LRP5: variants seen among roughly 807,000 people sequenced by gnomAD.
The protein encoded by LRP5 is low-density lipoprotein receptor-related protein 5.
A neutral mutation model predicts 154.1 loss-of-function variants in LRP5; 62 were observed. The observed-to-expected ratio is 0.40, with a 90% confidence interval of 0.33 to 0.50. The LOEUF is 0.50. Among genes scored for constraint, LRP5 ranks in the 20% least tolerant of loss-of-function variants. The pLI is 0.55. For missense variants in LRP5, 1,915 were observed against 2,336.7 expected, an observed-to-expected ratio of 0.82 and a Z score of 3.72; for synonymous variants, 966 against 1,011.5, an observed-to-expected ratio of 0.96 and a Z score of 0.85.
chr11:68,445,880 C>G (rs1245252354), intron 21 of LRP5, among the ~76,000 whole-genome samples: 1 of 152,224 alleles, frequency 6.6e-6, no homozygotes, highest in African/African-American at 2.4e-5. Flanking sequence ...GGACTGTGGC[C>G]CCTCCCTCAG....
chr11:68,377,209 C>CGAGGGATGGGA (rs1406922846), intron 5 of LRP5, among the ~76,000 whole-genome samples: 1 of 152,058 alleles, frequency 6.6e-6, no homozygotes, highest in Non-Finnish European at 1.5e-5. Context: ...TGGCTGGCAC[C>CGAGGGATGGGA]GAGGGATGGG....
chr11:68,415,128 C>T (rs572506303), intron 12 of LRP5, among the ~76,000 whole-genome samples: 2 of 152,342 alleles, frequency 1.3e-5, no homozygotes, highest in Admixed American at 6.5e-5. Flanking sequence ...CCAGGAGACT[C>T]TGTTAGCTGT....
At chr11:68,441,634 C>T (rs2098678276) in intron 21 of LRP5, among the ~76,000 whole-genome samples, 1 of 152,222 alleles carries the variant, frequency 6.6e-6, no homozygotes, top group Non-Finnish European at 1.5e-5. Flanking sequence ...CCCCCGAGCA[C>T]ACAGCAGGCA....
chr11:68,347,968 G>C lies in LRP5; in HGVS notation c.213G>C (p.Gln71His), dbSNP rs1242896791. ...AGGATGCGGCCGCAGTGGACTTCCA[G>C]TTTTCCAAGGGAGCCGTGTACTGGA... ...GLEDAAAVDF[Q>H]FSKGAVYWTD... The change falls in exon 2 of 23, where the codon CAG becomes CAC. Residue 71 changes from glutamine to histidine, a missense_variant. Gln to His is a conservative substitution (Grantham distance 24). Coordinates refer to ENST00000294304, the MANE Select transcript of LRP5 (RefSeq NM_002335.4). 5.6e-6 allele frequency: 9 copies of C among 1,614,182 alleles called. No individual in the cohort carries two copies. The highest frequency in any genetic ancestry group is 1.7e-4 in the Middle Eastern group (1 of 6,060).
chr11:68,352,789 T>A (rs1051873939), intron 2 of LRP5, among the ~76,000 whole-genome samples: 4 of 143,964 alleles, frequency 2.8e-5, no homozygotes, highest in Non-Finnish European at 6.0e-5. Context: ...GGTTGGGAGG[T>A]GATCAGTTGG....
At chr11:68,408,970 GC>G in intron 9 of LRP5, among the ~76,000 whole-genome samples, 1 of 147,502 alleles carries the variant, frequency 6.8e-6, no homozygotes, top group South Asian at 2.1e-4. Flanking sequence ...GATTGCTTGA[GC>G]CCCAGGAGGT....
At chr11:68,427,015 G>A (rs1488752533) in intron 16 of LRP5, among the ~76,000 whole-genome samples, 1 of 152,010 alleles carries the variant, frequency 6.6e-6, no homozygotes, top group South Asian at 2.1e-4. Context: ...GGCTCCCTGC[G>A]TCAGTCCCTC....
chr11:68,322,629 C>T (rs566501297), intron 1 of LRP5, among the ~76,000 whole-genome samples: 5 of 152,394 alleles, frequency 3.3e-5, no homozygotes, highest in African/African-American at 9.6e-5. Context: ...GGGCTGTCTT[C>T]GTCTGCGCCC....
intron 1 of LRP5, among the ~76,000 whole-genome samples, chr11:68,341,156 C>T (rs1278046796): frequency 3.4e-5 from 5 of 147,556 alleles, no homozygotes; most frequent in Admixed American, 1.4e-4. Flanking sequence ...GGACAGACTC[C>T]TGCAGGGGTG....
intron 1 of LRP5, among the ~76,000 whole-genome samples, chr11:68,326,715 T>C (rs2098599908): frequency 6.6e-6 from 1 of 152,226 alleles, no homozygotes; most frequent in Non-Finnish European, 1.5e-5. Context: ...CTGCGAAGCC[T>C]TGAGCTCCTG....
At position 68,447,464 on chromosome 11, in the gene LRP5, C is replaced by A. The variant is rs893517456; in HGVS notation, c.4586+931C>A. ...GGAACTGCAGCCTCCATTTCCACCC[C>A]ACTCCGGGTCGGGCCACCTCCCTGA... On this transcript the variant is annotated intron_variant, in intron 22 of 22. Coordinates refer to ENST00000294304, the MANE Select transcript of LRP5 (RefSeq NM_002335.4). This position sits in a 1 kb window ranked among gnomAD's most constrained non-coding sequence, Gnocchi z 4.3. Among the ~76,000 whole-genome samples the A allele has an allele frequency of 6.6e-6, 1 of 152,122 alleles. No homozygotes were observed. The highest frequency in any genetic ancestry group is 6.5e-5 in the Admixed American group (1 of 15,288).
At chr11:68,431,985 G>C (rs2098672189) in intron 17 of LRP5, among the ~76,000 whole-genome samples, 1 of 152,192 alleles carries the variant, frequency 6.6e-6, no homozygotes, top group Non-Finnish European at 1.5e-5. Context: ...TCTTCTCCAG[G>C]GAGATCACAG....
At chr11:68,427,877 C>T (rs1307155144) in intron 16 of LRP5, among the ~76,000 whole-genome samples, 1 of 152,052 alleles carries the variant, frequency 6.6e-6, no homozygotes, top group African/African-American at 2.4e-5. Context: ...TCTCATTGTC[C>T]GGGTGTTGGA....
In LRP5 at chr11:68,340,703, A is replaced by T. The variant is rs139429124; in HGVS notation, c.92-7144A>T. On this transcript the variant is annotated intron_variant, in intron 1 of 22. Coordinates refer to ENST00000294304, the MANE Select transcript of LRP5 (RefSeq NM_002335.4). ...CTGACCTGGCCCTTTTGCCTTTGTG[A>T]TGTACGGTCCTGAAAAAAATATTTG... Among the ~76,000 whole-genome samples the T allele has an allele frequency of 2.1e-3, 313 of 152,264 alleles. 2 individuals carry two copies. The highest frequency in any genetic ancestry group is 0.016 in the East Asian group (82 of 5,188).
In LRP5 at chr11:68,440,705, G is replaced by A. The variant is rs565712661; in HGVS notation, c.4488+789G>A. ...CCTCGCCAGTGAGCCCCACCTTGCT[G>A]GGGCTGGTTCCTCCTGCCCTTCTGG... On this transcript the variant is annotated intron_variant, in intron 21 of 22. Coordinates refer to ENST00000294304, the MANE Select transcript of LRP5 (RefSeq NM_002335.4). 5.1e-4 allele frequency among the ~76,000 whole-genome samples: 77 copies of A among 152,294 alleles called. 1 individual carries two copies. In the South Asian group the frequency reaches 0.016, roughly 32 times the overall value.
intron 7 of LRP5, among the ~76,000 whole-genome samples, chr11:68,391,739 G>A (rs1312915649): frequency 6.6e-6 from 1 of 152,236 alleles, no homozygotes; most frequent in African/African-American, 2.4e-5. Flanking sequence ...GGGCCGCTGA[G>A]GATGATTTGC....
intron 7 of LRP5, among the ~76,000 whole-genome samples, chr11:68,393,878 G>T (rs914639233): frequency 6.6e-6 from 1 of 152,178 alleles, no homozygotes; most frequent in South Asian, 2.1e-4. Context: ...GCATTTCCCT[G>T]ATAACTAGGA....
intron 21 of LRP5, among the ~76,000 whole-genome samples, chr11:68,443,565 ATATATATATATATATATATATT>A (rs1353925319): frequency 5.6e-5 from 2 of 35,654 alleles, no homozygotes; most frequent in South Asian, 8.7e-4. Context: ...ATATATATAT[ATATATATATATATATATATATT>A]TTTTTTTTTT....
In LRP5 at chr11:68,448,915, G is replaced by A. The variant is rs1465352742; in HGVS notation, c.4693G>A (p.Asp1565Asn). Residue 1565 changes from aspartate to asparagine, a missense_variant, in exon 23 of 23, where the codon GAT becomes AAT. Coordinates refer to ENST00000294304, the MANE Select transcript of LRP5 (RefSeq NM_002335.4). ...SRWKASKYYL[D>N]LNSDSDPYPP... is the part of the protein sequence containing the mutation. Reference sequence around the variant, plus strand: ...CTGGAAGGCCAGCAAGTACTACCTGGATTTGAACTCGGACTCAGACCCCTA... The same window carrying A: ...CTGGAAGGCCAGCAAGTACTACCTGAATTTGAACTCGGACTCAGACCCCTA... 1 of 1,613,454 alleles carries A rather than the reference G, an allele frequency of 6.2e-7. No individual in the cohort carries two copies. Among genetic ancestry groups the A allele is most frequent in the African/African-American group, 1.3e-5 (1 of 74,808 alleles).
Sources: gnomAD v4.1 joint callset for allele counts (sites outside exome capture counted in the v4.1 genomes callset) on GRCh38, gnomAD v4.1.1 for gene constraint, Gnocchi (gnomAD v3.1) non-coding constraint, MANE v1.5 for transcripts, NCBI Gene and HGNC (gene_info 2026-07-23, HGNC 2026-07-21) for gene names.